LATS2: variants seen among roughly 807,000 people sequenced by gnomAD.
The protein encoded by LATS2 is large tumor suppressor kinase 2, also known as serine/threonine-protein kinase LATS2.
A neutral mutation model predicts 76.0 loss-of-function variants in LATS2; 24 were observed. The ratio of observed to expected loss-of-function variants is 0.32; its 90% CI spans 0.23 to 0.44. The LOEUF (loss-of-function observed/expected upper bound fraction) is 0.44. LATS2 is among the 20% of genes least tolerant of loss of function. The pLI is 1.00. For missense variants in LATS2, 1,286 were observed against 1,481.2 expected (o/e 0.87, Z 2.16); for synonymous variants, 692 against 635.4 (o/e 1.09, Z -1.34).
chr13:20,987,216 A>G (rs891459994), intron 4 of LATS2, among the ~76,000 whole-genome samples: 1 of 34,100 alleles, frequency 2.9e-5, no homozygotes, highest in African/African-American at 6.2e-5. Context: ...AAAAATAAAA[A>G]ATAAAAATAA....
At chr13:21,029,049 CT>C (rs938655103) in intron 2 of LATS2, among the ~76,000 whole-genome samples, 4 of 152,168 alleles carry the variant, frequency 2.6e-5, no homozygotes, top group Admixed American at 2.6e-4. Flanking sequence ...AATTGTTATA[CT>C]TCTTTTCCAA....
intron 2 of LATS2, among the ~76,000 whole-genome samples, chr13:21,031,633 G>A (rs1183212782): frequency 1.3e-5 from 2 of 152,098 alleles, no homozygotes; most frequent in Non-Finnish European, 2.9e-5. Flanking sequence ...GGGGGAGCAT[G>A]GGATCACTTG....
intron 2 of LATS2, among the ~76,000 whole-genome samples, chr13:21,041,316 A>G (rs17061760): frequency 0.035 from 5,322 of 152,204 alleles, 272 homozygotes; most frequent in African/African-American, 0.12. Flanking sequence ...TTCACTGAGC[A>G]GCTGGTGTGG....
chr13:20,989,163 T>G lies in LATS2; in HGVS notation c.617A>C (p.Glu206Ala), dbSNP rs747961930. 6.2e-7 allele frequency: 1 copy of G among 1,612,724 alleles called. No individual in the cohort carries two copies. Among genetic ancestry groups the G allele is most frequent in the Admixed American group, 1.7e-5 (1 of 59,972 alleles). The change falls in exon 4 of 8, where the codon GAG (glutamate) becomes GCG (alanine). Residue 206 changes from glutamate (E) to alanine (A), a missense_variant. Physicochemically the swap from Glu to Ala is moderately radical, Grantham distance 107. Transcript: ENST00000382592. ...GTAGTCCACGTACGGCCGCGGCATC[T>G]CCTCCAGCGCCGTGGGGCCGTCAGC... ...FGADGPTALE[E>A]MPRPYVDYLF...
intron 2 of LATS2, among the ~76,000 whole-genome samples, chr13:21,040,376 C>CAAAA (rs141897751): frequency 5.5e-5 from 6 of 108,746 alleles, no homozygotes; most frequent in African/African-American, 2.2e-4. Context: ...GACCTTGTCT[C>CAAAA]AAAAAAAAAA....
At chr13:20,987,794 C>T (rs1403134041) in intron 4 of LATS2, 87 bp downstream of exon 4, 7 of 1,475,152 alleles carry the variant, frequency 4.7e-6, no homozygotes, top group African/African-American at 4.2e-5. Flanking sequence ...GGTATACAGT[C>T]GAAACAGAAA....
At chr13:20,995,264 CTAA>C (rs780761513) in intron 2 of LATS2, among the ~76,000 whole-genome samples, 4 of 152,124 alleles carry the variant, frequency 2.6e-5, no homozygotes, top group Non-Finnish European at 5.9e-5. Flanking sequence ...TTTAATGGCT[CTAA>C]TGTTTTACTG....
In LATS2 at chr13:21,035,927, C is replaced by T. The variant is rs541865109; in HGVS notation, c.342+9758G>A. On this transcript the variant is annotated intron_variant, in intron 2 of 7. Coordinates refer to ENST00000382592, the MANE Select transcript of LATS2 (RefSeq NM_014572.3). ...TTCCCCTTTTTTCGGGGAACAGAGT[C>T]TTGCTCTGTCGCCCAGGCTGGAGTG... 1.4e-4 allele frequency among the ~76,000 whole-genome samples: 22 copies of T among 152,298 alleles called. No homozygotes were observed. The East Asian group carries it at 4.1e-3, about 28-fold the overall frequency.
chr13:21,019,586 G>A (rs906894285), intron 2 of LATS2, among the ~76,000 whole-genome samples: 1 of 132,784 alleles, frequency 7.5e-6, no homozygotes, highest in African/African-American at 2.9e-5. Flanking sequence ...CAGGTGATCT[G>A]CCTGCCTCAG....
At chr13:21,009,137 G>A (rs926381024) in intron 2 of LATS2, among the ~76,000 whole-genome samples, 3 of 152,186 alleles carry the variant, frequency 2.0e-5, no homozygotes, top group Non-Finnish European at 4.4e-5. Flanking sequence ...AATAGGAACC[G>A]CTCAGTCACG....
chr13:21,023,359 C>T (rs1316912436), intron 2 of LATS2, among the ~76,000 whole-genome samples: 3 of 152,020 alleles, frequency 2.0e-5, no homozygotes, highest in African/African-American at 7.2e-5. Flanking sequence ...CGCCCCCTCT[C>T]CAGGCCCAAT....
At chr13:20,996,215 G>T (rs1211643435) in intron 2 of LATS2, among the ~76,000 whole-genome samples, 1 of 152,118 alleles carries the variant, frequency 6.6e-6, no homozygotes, top group Non-Finnish European at 1.5e-5. Flanking sequence ...CCTGCTGCAA[G>T]AGTAAGATGA....
rs1870355930 is a variant in LATS2 at position 20,988,881 on chromosome 13, G to C, written c.899C>G (p.Ala300Gly). The change falls in exon 4 of 8, where the codon GCC becomes GGC. Residue 300 changes from alanine to glycine, a missense_variant. Coordinates refer to ENST00000382592, the MANE Select transcript of LATS2 (RefSeq NM_014572.3). ...GGCAGGGGGTGGGAAAGCGAGGCCG[G>C]CGCCTGGCGGTCCTCCCTGGCCCTT... is the stretch of plus-strand genomic sequence containing the variant. ...PTKGQGGPPGAGLAFPPPAAG... is the reference protein window; with the variant it reads ...PTKGQGGPPGGGLAFPPPAAG... 3 of 1,554,426 alleles carry C rather than the reference G, an allele frequency of 1.9e-6. No individual in the cohort carries two copies. The highest frequency in any genetic ancestry group is 2.6e-6 in the Non-Finnish European group (3 of 1,157,060).
In LATS2 at chr13:21,016,136, C is replaced by T. The variant is rs541391234; in HGVS notation, c.343-24732G>A. Among the ~76,000 whole-genome samples, 10 of 151,632 alleles carry T rather than the reference C, an allele frequency of 6.6e-5. No homozygotes were observed. In the South Asian group the frequency reaches 2.1e-3, roughly 32 times the overall value. ...TCCCGAGTAGCTGAGATTATAGGCA[C>T]TCGCCATCATGCCCAGCTAATTTTT... On this transcript the variant is annotated intron_variant, in intron 2 of 7. Coordinates refer to ENST00000382592, the MANE Select transcript of LATS2 (RefSeq NM_014572.3).
At chr13:20,990,223 A>G (rs1227880022) in intron 3 of LATS2, among the ~76,000 whole-genome samples, 1 of 152,192 alleles carries the variant, frequency 6.6e-6, no homozygotes, top group African/African-American at 2.4e-5. Context: ...AGCACGGAAC[A>G]TGGGCCTGGC....
Position 20,973,619 on chromosome 13 carries a change from T to C in LATS2, c.*1251A>G, listed in dbSNP as rs1408395627. ...ATGTCATTTTGAAGAATCTTTGCTT[T>C]TTTACAAAGGTTAGGAATATGTATT... is the stretch of plus-strand genomic sequence containing the variant. On this transcript the variant is annotated 3_prime_UTR_variant, in exon 8 of 8. Coordinates refer to ENST00000382592, the MANE Select transcript of LATS2 (RefSeq NM_014572.3). 4.3e-6 allele frequency: 1 copy of C among 232,386 alleles called. No homozygotes were observed. The highest frequency in any genetic ancestry group is 8.5e-6 in the Non-Finnish European group (1 of 117,382). 14.4% of individuals were successfully genotyped at this position (232,386 alleles called of 1,614,324 possible).
chr13:20,987,733 T>A (rs1488450768), intron 4 of LATS2, 148 bp downstream of exon 4: 1 of 849,182 alleles, frequency 1.2e-6, no homozygotes, highest in African/African-American at 1.7e-5. Context: ...CTTCTCCAAG[T>A]TGTTGGCCCC....
At position 20,973,218 on chromosome 13, in the gene LATS2, C is replaced by A. The variant is rs867954678; in HGVS notation, c.*1652G>T. 4.3e-6 allele frequency: 1 copy of A among 232,416 alleles called. No homozygotes were observed. Among genetic ancestry groups the A allele is most frequent in the Non-Finnish European group, 8.5e-6 (1 of 117,356 alleles). 14.4% of individuals were successfully genotyped at this position (232,416 alleles called of 1,614,324 possible). A position where few individuals can be genotyped will look rare whatever the true frequency, so the allele number is the denominator to read the frequency against. On this transcript the variant is annotated 3_prime_UTR_variant, in exon 8 of 8. Transcript: ENST00000382592. ...ATAGCGAGAATACTGACAGTCACGA[C>A]GACAGGCACAGCAGACTTGAGTATG...
At chr13:21,010,920 A>G (rs1317508279) in intron 2 of LATS2, among the ~76,000 whole-genome samples, 10 of 152,382 alleles carry the variant, frequency 6.6e-5, no homozygotes, top group Admixed American at 2.6e-4. Context: ...GAACATGGAC[A>G]GAAACTTTAT....
Sources: allele counts gnomAD v4.1 joint callset (sites outside exome capture counted in the v4.1 genomes callset), GRCh38; gene constraint gnomAD v4.1.1; transcripts MANE v1.5; gene names NCBI Gene and HGNC (gene_info 2026-07-23, HGNC 2026-07-21).